The following IL26 variants were observed in gnomAD, a reference collection of about 807,000 sequenced individuals.
IL26 encodes the protein interleukin 26.
IL26 carries 23 observed loss-of-function variants against 21.7 expected under a neutral mutation model. The observed-to-expected ratio is 1.06, with a 90% confidence interval of 0.76 to 1.50. IL26 has a LOEUF of 1.50. IL26 is among the 40% of genes most tolerant of loss of function. IL26 has a pLI of 0.00. For missense variants in IL26, 204 were observed against 196.0 expected (o/e 1.04, Z -0.24); for synonymous variants, 63 against 67.8 (o/e 0.93, Z 0.34).
At chr12:68,223,884 G>GTTTTTTT (rs376115904) in intron 3 of IL26, among the ~76,000 whole-genome samples, 16 of 132,226 alleles carry the variant, frequency 1.2e-4, no homozygotes, top group South Asian at 2.5e-4. Context: ...AAATTTGGTG[G>GTTTTTTT]TTTTTTTTTT....
At chr12:68,202,942 ATGGC>A (rs1481475070) in intron 3 of IL26, among the ~76,000 whole-genome samples, 1 of 152,230 alleles carries the variant, frequency 6.6e-6, no homozygotes, top group Non-Finnish European at 1.5e-5. Context: ...GCAAGCAAGC[ATGGC>A]TGGAGCAATT....
intron 3 of IL26, among the ~76,000 whole-genome samples, chr12:68,202,354 C>T (rs535101448): frequency 3.3e-5 from 5 of 152,250 alleles, no homozygotes; most frequent in South Asian, 2.1e-4. Context: ...TTATAGGAAC[C>T]GCCTACCTTC....
At chr12:68,215,868 G>C (rs191479501) in intron 3 of IL26, among the ~76,000 whole-genome samples, 3 of 151,602 alleles carry the variant, frequency 2.0e-5, no homozygotes, top group East Asian at 4.0e-4. Context: ...GTTTTTAGTA[G>C]AGACAGGGTT....
At chr12:68,208,222 G>A (rs938088128) in intron 3 of IL26, among the ~76,000 whole-genome samples, 1 of 152,108 alleles carries the variant, frequency 6.6e-6, no homozygotes, top group Non-Finnish European at 1.5e-5. Context: ...AAGTCTTCCA[G>A]AAGAAAAAAA....
chr12:68,214,650 C>T (rs1242914605), intron 3 of IL26, among the ~76,000 whole-genome samples: 1 of 152,062 alleles, frequency 6.6e-6, no homozygotes, highest in Non-Finnish European at 1.5e-5. Context: ...ATAGCTAGTC[C>T]TGCTCTTTTT....
intron 3 of IL26, among the ~76,000 whole-genome samples, chr12:68,213,992 G>T (rs1868805353): frequency 6.6e-6 from 1 of 152,004 alleles, no homozygotes; most frequent in South Asian, 2.1e-4. Context: ...GGCATTTACT[G>T]CTATAAACTT....
chr12:68,202,989 T>G (rs1197336730), intron 3 of IL26, among the ~76,000 whole-genome samples: 2 of 152,002 alleles, frequency 1.3e-5, no homozygotes, highest in Non-Finnish European at 2.9e-5. Flanking sequence ...ATGAAGGACA[T>G]GAGAATGACA....
chr12:68,225,386 G>A (rs370983192), intron 2 of IL26, 58 bp downstream of exon 2: 2 of 1,516,676 alleles, frequency 1.3e-6, no homozygotes, highest in Non-Finnish European at 1.8e-6. Flanking sequence ...TTAAATGCAG[G>A]GGGAAATAAA....
At chr12:68,206,890 A>G (rs1868559316) in intron 3 of IL26, among the ~76,000 whole-genome samples, 1 of 152,164 alleles carries the variant, frequency 6.6e-6, no homozygotes, top group South Asian at 2.1e-4. Flanking sequence ...TTATCTTGAC[A>G]GTTTTTTTAA....
chr12:68,218,896 A>C (rs1868968265), intron 3 of IL26, among the ~76,000 whole-genome samples: 1 of 152,046 alleles, frequency 6.6e-6, no homozygotes, highest in Non-Finnish European at 1.5e-5. Flanking sequence ...AGCTGGAGTG[A>C]TTCTATTAGC....
chr12:68,220,463 G>A (rs1239354606), intron 3 of IL26, among the ~76,000 whole-genome samples: 1 of 152,162 alleles, frequency 6.6e-6, no homozygotes, highest in Non-Finnish European at 1.5e-5. Context: ...GTCAATAGAT[G>A]TGTTAAAAAG....
intron 3 of IL26, among the ~76,000 whole-genome samples, chr12:68,209,944 C>CATA (rs1319387998): frequency 6.6e-6 from 1 of 152,044 alleles, no homozygotes; most frequent in Admixed American, 6.6e-5. Flanking sequence ...AGTGAAAAAC[C>CATA]ATACATAAGA....
At chr12:68,204,443 A>G (rs920322247) in intron 3 of IL26, among the ~76,000 whole-genome samples, 1 of 152,092 alleles carries the variant, frequency 6.6e-6, no homozygotes, top group Non-Finnish European at 1.5e-5. Flanking sequence ...GCGCCTGGCC[A>G]GGATTTAAAG....
intron 3 of IL26, among the ~76,000 whole-genome samples, chr12:68,215,834 CTTTTTA>C (rs966896264): frequency 1.1e-4 from 17 of 151,722 alleles, no homozygotes; most frequent in African/African-American, 3.6e-4. Context: ...ATCCAGATAA[CTTTTTA>C]TTTTTATTTT....
At position 68,225,740 on chromosome 12, in the gene IL26, A is replaced by G. The variant is rs1869228620; in HGVS notation, c.17T>C (p.Ile6Thr). 4 of 1,613,962 alleles carry G rather than the reference A, an allele frequency of 2.5e-6. No individual in the cohort carries two copies. The highest frequency in any genetic ancestry group is 1.1e-5 in the South Asian group (1 of 91,072). The part of the protein sequence containing the change: MLVNF[I>T]LRCGLLLVTL... ...GACTAACAGCAACCCACACCTCAAA[A>G]TGAAATTCACCAGCATTTCCCTTCA... Residue 6 changes from isoleucine (I) to threonine (T), a missense_variant, in exon 1 of 5, where the codon ATT (isoleucine) becomes ACT (threonine). Coordinates refer to ENST00000229134, the MANE Select transcript of IL26 (RefSeq NM_018402.2).
chr12:68,218,223 G>T (rs1245478460), intron 3 of IL26, among the ~76,000 whole-genome samples: 1 of 88,940 alleles, frequency 1.1e-5, no homozygotes, highest in Non-Finnish European at 2.1e-5. Context: ...TGTAAAATAT[G>T]ACCCATAACG....
chr12:68,218,313 T>G (rs1049728744), intron 3 of IL26, among the ~76,000 whole-genome samples: 2 of 152,062 alleles, frequency 1.3e-5, no homozygotes, highest in African/African-American at 4.8e-5. Flanking sequence ...ATTTTAAAAG[T>G]TGCTATAACT....
At chr12:68,209,745 A>AC (rs1180878101) in intron 3 of IL26, among the ~76,000 whole-genome samples, 1 of 151,990 alleles carries the variant, frequency 6.6e-6, no homozygotes, top group African/African-American at 2.4e-5. Flanking sequence ...CTCAGCTTTT[A>AC]CCCCAACACC....
intron 3 of IL26, among the ~76,000 whole-genome samples, chr12:68,211,592 A>G (rs1315612496): frequency 1.3e-5 from 2 of 152,222 alleles, no homozygotes; most frequent in East Asian, 3.9e-4. Flanking sequence ...AGTTATAGCC[A>G]TTCTAACGGG....
Sources: gnomAD v4.1 joint callset for allele counts (sites outside exome capture counted in the v4.1 genomes callset) on GRCh38, gnomAD v4.1.1 for gene constraint, MANE v1.5 for transcripts, NCBI Gene and HGNC (gene_info 2026-07-23, HGNC 2026-07-21) for gene names.